MOB3B: variants seen among roughly 807,000 people sequenced by gnomAD.
MOB3B encodes MOB kinase activator-like 2B.
Under a neutral mutation model 18.7 loss-of-function variants are expected in MOB3B, and 7 were observed. That is an observed-to-expected ratio of 0.37 (90% CI 0.21 to 0.70). The LOEUF is 0.70. Among genes scored for constraint, MOB3B ranks in the 30% least tolerant of loss-of-function variants. The probability of loss-of-function intolerance (pLI) is 0.52; values close to 1 mark genes in which losing one functional copy is unlikely to be tolerated. For missense variants in MOB3B, 253 were observed against 281.3 expected (o/e 0.90, Z 0.72); for synonymous variants, 111 against 99.9 (o/e 1.11, Z -0.66).
chr9:27,529,387 C>G (rs1272252481), intron 1 of MOB3B, among the ~76,000 whole-genome samples, 168 bp downstream of exon 1: 3 of 152,210 alleles, frequency 2.0e-5, no homozygotes, highest in Middle Eastern at 6.3e-3. Flanking sequence ...GGACTCCAGC[C>G]CCGGAAGCCC....
chr9:27,403,870 AATG>A (rs1358624704), intron 2 of MOB3B, among the ~76,000 whole-genome samples: 1 of 152,218 alleles, frequency 6.6e-6, no homozygotes, highest in Non-Finnish European at 1.5e-5. Flanking sequence ...TACAATGTGT[AATG>A]ATCACATAAG....
intron 1 of MOB3B, among the ~76,000 whole-genome samples, chr9:27,518,940 G>A (rs1409573623): frequency 6.6e-6 from 1 of 152,158 alleles, no homozygotes; most frequent in African/African-American, 2.4e-5. Flanking sequence ...TTCTGGAGGG[G>A]AAGACATATG....
chr9:27,513,001 T>C (rs1307919937), intron 1 of MOB3B, among the ~76,000 whole-genome samples: 1 of 152,142 alleles, frequency 6.6e-6, no homozygotes, highest in Admixed American at 6.5e-5. Context: ...TAAGACCAAT[T>C]AAGTAAATTA....
At position 27,378,347 on chromosome 9, in the gene MOB3B, T is replaced by C. The variant is rs143905084; in HGVS notation, c.419-19111A>G. 1.1e-4 allele frequency: 52 copies of C among 471,544 alleles called. No individual in the cohort carries two copies. In the East Asian group the frequency reaches 3.3e-3, roughly 30 times the overall value. The allele number at this position is 471,544 out of a possible 1,614,324, so 29.2% of individuals were successfully genotyped here. On this transcript the variant is annotated intron_variant, in intron 2 of 3. Coordinates refer to ENST00000262244, the MANE Select transcript of MOB3B (RefSeq NM_024761.5). ...CTGGACATGGGTAAAAAGGGACACATATTGCTGCTCACCTACTCTCCAGCA... is the reference window on the plus strand; with the variant it reads ...CTGGACATGGGTAAAAAGGGACACACATTGCTGCTCACCTACTCTCCAGCA...
At chr9:27,376,369 T>A (rs75561157) in intron 2 of MOB3B, among the ~76,000 whole-genome samples, 4,482 of 152,280 alleles carry the variant, frequency 0.029, 221 homozygotes, top group African/African-American at 0.1. Flanking sequence ...CCACAATAGA[T>A]GTTTGTTTCA....
intron 1 of MOB3B, among the ~76,000 whole-genome samples, chr9:27,502,478 C>T (rs570202288): frequency 2.0e-5 from 3 of 152,282 alleles, no homozygotes; most frequent in African/African-American, 7.2e-5. Flanking sequence ...ATACCCCAAA[C>T]CAGATTAAAG....
intron 2 of MOB3B, among the ~76,000 whole-genome samples, chr9:27,440,392 T>C (rs1178449292): frequency 6.6e-6 from 1 of 152,120 alleles, no homozygotes; most frequent in African/African-American, 2.4e-5. Flanking sequence ...TTTTTTTTTT[T>C]TCCATAATAG....
chr9:27,478,751 T>C (rs1054969846), intron 1 of MOB3B, among the ~76,000 whole-genome samples: 26 of 150,012 alleles, frequency 1.7e-4, no homozygotes, highest in African/African-American at 6.2e-4. Flanking sequence ...TTTAATAGCA[T>C]TAAAGCAATA....
At chr9:27,371,103 A>T (rs543466587) in intron 2 of MOB3B, among the ~76,000 whole-genome samples, 1 of 152,348 alleles carries the variant, frequency 6.6e-6, no homozygotes, top group East Asian at 1.9e-4. Context: ...TCATCTAAAT[A>T]AAGTCAAACA....
At chr9:27,438,866 G>C (rs1302434994) in intron 2 of MOB3B, among the ~76,000 whole-genome samples, 1 of 152,094 alleles carries the variant, frequency 6.6e-6, no homozygotes, top group African/African-American at 2.4e-5. Context: ...GGGTGACTGA[G>C]AAACCATGGC....
At chr9:27,522,085 CA>C (rs1820340767) in intron 1 of MOB3B, among the ~76,000 whole-genome samples, 2 of 150,914 alleles carry the variant, frequency 1.3e-5, no homozygotes, top group Admixed American at 6.6e-5. Context: ...TACTAAAATA[CA>C]AAAAAATTAA....
chr9:27,518,539 G>A (rs554816452), intron 1 of MOB3B, among the ~76,000 whole-genome samples: 5 of 152,272 alleles, frequency 3.3e-5, no homozygotes, highest in South Asian at 4.1e-4. Flanking sequence ...GATGGTACAC[G>A]TTTATTTACT....
At chr9:27,527,807 C>G (rs984474466) in intron 1 of MOB3B, among the ~76,000 whole-genome samples, 17 of 152,244 alleles carry the variant, frequency 1.1e-4, no homozygotes, top group African/African-American at 3.9e-4. Flanking sequence ...TGGGCACCAT[C>G]TGGGGACCCT....
At chr9:27,468,635 G>A (rs982628692) in intron 1 of MOB3B, among the ~76,000 whole-genome samples, 1 of 152,168 alleles carries the variant, frequency 6.6e-6, no homozygotes, top group African/African-American at 2.4e-5. Flanking sequence ...TATGAGGGTT[G>A]GGAGCACACC....
chr9:27,455,833 G>A, intron 1 of MOB3B, 85 bp from the exon 2 acceptor site: 1 of 1,294,950 alleles, frequency 7.7e-7, no homozygotes, highest in Non-Finnish European at 9.9e-7. Flanking sequence ...TCCACCTTGT[G>A]TTCTTGGCTG....
intron 1 of MOB3B, among the ~76,000 whole-genome samples, chr9:27,503,755 T>G (rs1256516095): frequency 2.0e-5 from 3 of 152,244 alleles, no homozygotes; most frequent in Non-Finnish European, 4.4e-5. Flanking sequence ...CTGGCAGCTT[T>G]CAGCTGAGGG....
intron 1 of MOB3B, among the ~76,000 whole-genome samples, chr9:27,466,992 C>T (rs2131463206): frequency 6.6e-6 from 1 of 152,248 alleles, no homozygotes; most frequent in African/African-American, 2.4e-5. Context: ...AACAGACAAC[C>T]ATCTAGCTAG....
chr9:27,488,094 T>A (rs17779457), intron 1 of MOB3B, among the ~76,000 whole-genome samples: 1 of 152,024 alleles, frequency 6.6e-6, no homozygotes, highest in Non-Finnish European at 1.5e-5. Flanking sequence ...TGTTTCAGCC[T>A]CAAACCTGCC....
chr9:27,486,859 G>A (rs1230476036), intron 1 of MOB3B, among the ~76,000 whole-genome samples: 1 of 152,136 alleles, frequency 6.6e-6, no homozygotes, highest in African/African-American at 2.4e-5. Context: ...GGCTGGGCGT[G>A]GTGGCTCACG....
Sources: gnomAD v4.1 joint callset for allele counts (sites outside exome capture counted in the v4.1 genomes callset) on GRCh38, gnomAD v4.1.1 for gene constraint, MANE v1.5 for transcripts, NCBI Gene and HGNC (gene_info 2026-07-23, HGNC 2026-07-21) for gene names.